RHOJ: variants seen among roughly 807,000 people sequenced by gnomAD.
RHOJ encodes the protein ras homolog family member J, also known as rho-related GTP-binding protein RhoJ.
A neutral mutation model predicts 23.4 loss-of-function variants in RHOJ; 11 were observed. That is an observed-to-expected ratio of 0.47 (90% CI 0.30 to 0.78). The LOEUF is 0.78. Among genes scored for constraint, RHOJ ranks in the 30% least tolerant of loss-of-function variants. RHOJ has a pLI of 0.08. For synonymous variants in RHOJ, 102 were observed against 102.7 expected (o/e 0.99, Z 0.04); for missense variants, 254 against 273.4 (o/e 0.93, Z 0.50).
chr14:63,221,238 G>A (rs560240278), intron 1 of RHOJ, among the ~76,000 whole-genome samples: 1 of 152,288 alleles, frequency 6.6e-6, no homozygotes, highest in East Asian at 1.9e-4. Flanking sequence ...GCTGAGGTGG[G>A]AGGATTGCTT....
chr14:63,265,022 G>A (rs1253953339), intron 1 of RHOJ, among the ~76,000 whole-genome samples: 1 of 152,074 alleles, frequency 6.6e-6, no homozygotes, highest in African/African-American at 2.4e-5. Flanking sequence ...CAGAAGATCT[G>A]GAGTTTAATT....
intron 1 of RHOJ, among the ~76,000 whole-genome samples, chr14:63,255,169 G>T (rs1895141194): frequency 6.6e-6 from 1 of 152,028 alleles, no homozygotes; most frequent in Admixed American, 6.5e-5. Context: ...CCCCCCTGAG[G>T]TAACCATCAG....
intron 1 of RHOJ, among the ~76,000 whole-genome samples, chr14:63,264,723 G>A (rs999707556): frequency 5.3e-5 from 8 of 152,154 alleles, no homozygotes; most frequent in African/African-American, 1.9e-4. Flanking sequence ...ATTCTGACTG[G>A]TGTGAGATAG....
intron 1 of RHOJ, among the ~76,000 whole-genome samples, chr14:63,205,292 C>T (rs1039344510): frequency 2.6e-5 from 4 of 152,158 alleles, no homozygotes; most frequent in Non-Finnish European, 4.4e-5. Flanking sequence ...CTCTGACGTG[C>T]CCTCTAGATT....
At chr14:63,285,300 C>G (rs1284339589) in intron 4 of RHOJ, among the ~76,000 whole-genome samples, 1 of 152,164 alleles carries the variant, frequency 6.6e-6, no homozygotes, top group Admixed American at 6.5e-5. Flanking sequence ...GGATAGAAAA[C>G]TGTGCTTTAA....
intron 1 of RHOJ, among the ~76,000 whole-genome samples, chr14:63,224,271 T>A (rs1414090619): frequency 6.6e-6 from 1 of 152,182 alleles, no homozygotes; most frequent in Non-Finnish European, 1.5e-5. Context: ...TCTCTAAGAA[T>A]GTAGTTAATC....
intron 1 of RHOJ, among the ~76,000 whole-genome samples, chr14:63,224,271 T>C (rs1414090619): frequency 6.6e-6 from 1 of 152,182 alleles, no homozygotes; most frequent in Non-Finnish European, 1.5e-5. Context: ...TCTCTAAGAA[T>C]GTAGTTAATC....
At chr14:63,228,901 T>C (rs1894642023) in intron 1 of RHOJ, among the ~76,000 whole-genome samples, 1 of 152,218 alleles carries the variant, frequency 6.6e-6, no homozygotes, top group South Asian at 2.1e-4. Context: ...CCAGAAGCCT[T>C]CCAGAGCCCT....
At chr14:63,243,813 G>C (rs1190585846) in intron 1 of RHOJ, among the ~76,000 whole-genome samples, 1 of 152,110 alleles carries the variant, frequency 6.6e-6, no homozygotes, top group Non-Finnish European at 1.5e-5. Context: ...TACAACAATA[G>C]CAGTAACTAC....
In RHOJ at chr14:63,204,810, C is replaced by T; in HGVS notation, c.-60C>T. The T allele has an allele frequency of 1.3e-6, 2 of 1,542,378 alleles. No individual in the cohort carries two copies. The highest frequency in any genetic ancestry group is 2.4e-5 in the South Asian group (2 of 84,564). On this transcript the variant is annotated 5_prime_UTR_variant, in exon 1 of 5. Transcript: ENST00000316754. ...CACTGGCTTTCTGCCGCTTCATGTG[C>T]TTTGGAAAAAGCAGGAGAAGCAATA...
At chr14:63,244,421 A>AG (rs1397590873) in intron 1 of RHOJ, among the ~76,000 whole-genome samples, 1 of 151,478 alleles carries the variant, frequency 6.6e-6, no homozygotes, top group East Asian at 1.9e-4. Flanking sequence ...ACAAAAAAAA[A>AG]AAAAAATTAG....
chr14:63,284,368 C>T (rs1882012088), intron 4 of RHOJ: 4 of 984,626 alleles, frequency 4.1e-6, no homozygotes, highest in Non-Finnish European at 4.8e-6. Flanking sequence ...CGCCAGACGT[C>T]CATGGAGTCC....
intron 2 of RHOJ, among the ~76,000 whole-genome samples, chr14:63,278,047 C>A (rs1881789426): frequency 6.6e-6 from 1 of 151,950 alleles, no homozygotes; most frequent in Admixed American, 6.5e-5. Flanking sequence ...AGACCTGGCA[C>A]AACTTCCCAG....
In RHOJ at chr14:63,270,687, G is replaced by A. The variant is rs1895452855; in HGVS notation, c.237+1519G>A. Among the ~76,000 whole-genome samples the A allele has an allele frequency of 1.3e-5, 2 of 152,166 alleles. 1 individual carries two copies. The highest frequency in any genetic ancestry group is 4.1e-4 in the South Asian group (2 of 4,828). On this transcript the variant is annotated intron_variant, in intron 2 of 4. Coordinates refer to ENST00000316754, the MANE Select transcript of RHOJ (RefSeq NM_020663.5). ...TGTCCCCATTCATCAGGAACTCATA[G>A]ACTGAAAGAGAGAGGAGTTTATACC...
chr14:63,281,079 G>A lies in RHOJ; in HGVS notation c.346G>A (p.Val116Ile), dbSNP rs1881882572. Residue 116 changes from valine to isoleucine, a missense_variant, in exon 3 of 5, where the codon GTC (valine) becomes ATC (isoleucine). Val to Ile is a conservative substitution (Grantham distance 29, BLOSUM62 3). Coordinates refer to ENST00000316754, the MANE Select transcript of RHOJ (RefSeq NM_020663.5). Reference sequence around the variant, plus strand: ...TTACCACAATGTCCAGGAGGAATGGGTCCCCGAGCTCAAGGACTGCATGCC... The same window carrying A: ...TTACCACAATGTCCAGGAGGAATGGATCCCCGAGCTCAAGGACTGCATGCC... ...ASYHNVQEEW[V>I]PELKDCMPHV... is the part of the protein sequence containing the mutation. 1.9e-6 allele frequency: 3 copies of A among 1,613,976 alleles called. No homozygotes were observed. The highest frequency in any genetic ancestry group is 1.7e-5 in the Admixed American group (1 of 59,988).
chr14:63,234,953 T>G (rs776498855), intron 1 of RHOJ, among the ~76,000 whole-genome samples: 26 of 152,172 alleles, frequency 1.7e-4, no homozygotes, highest in Non-Finnish European at 2.9e-5. Context: ...TTTTAAAATA[T>G]CTAGGAACCA....
In RHOJ at chr14:63,262,132, T is replaced by C. The variant is rs117879434; in HGVS notation, c.179-6978T>C. On this transcript the variant is annotated intron_variant, in intron 1 of 4. Transcript: ENST00000316754. ...TGAAAGCCATCTTATAGTCATCATA[T>C]TGACTTCAAAAGACCACTCTCGGCA... Among the ~76,000 whole-genome samples the C allele has an allele frequency of 8.0e-3, 1,216 of 152,318 alleles. 12 individuals carry two copies. Among genetic ancestry groups the C allele is most frequent in the Middle Eastern group, 0.037 (11 of 294 alleles).
At chr14:63,237,844 C>A (rs185432274) in intron 1 of RHOJ, among the ~76,000 whole-genome samples, 1 of 152,308 alleles carries the variant, frequency 6.6e-6, no homozygotes, top group African/African-American at 2.4e-5. Flanking sequence ...GTTATCACAG[C>A]ACAGTGAGAC....
Position 63,268,143 on chromosome 14 carries a change from G to T in RHOJ, c.179-967G>T, listed in dbSNP as rs559406533. ...CAAAAATCATCTTCACACTGAATTT[G>T]CACATTTTGACAAGAGAAAAAACTC... On this transcript the variant is annotated intron_variant, in intron 1 of 4. Transcript: ENST00000316754. Among the ~76,000 whole-genome samples the T allele has an allele frequency of 7.2e-5, 11 of 152,190 alleles. No individual in the cohort carries two copies. In the East Asian group the frequency reaches 2.1e-3, roughly 29 times the overall value.
Sources: allele counts gnomAD v4.1 joint callset (sites outside exome capture counted in the v4.1 genomes callset), GRCh38; gene constraint gnomAD v4.1.1; transcripts MANE v1.5; gene names NCBI Gene and HGNC (gene_info 2026-07-23, HGNC 2026-07-21).